Variants in UBE2G2 observed in about 807,000 individuals in gnomAD.
UBE2G2 encodes ubiquitin-conjugating enzyme E2 G2.
A neutral mutation model predicts 23.0 loss-of-function variants in UBE2G2; 10 were observed. The observed-to-expected ratio is 0.43, with a 90% CI of 0.27 to 0.74. The LOEUF (loss-of-function observed/expected upper bound fraction) is 0.74. Among genes scored for constraint, UBE2G2 ranks in the 30% least tolerant of loss-of-function variants. The probability of loss-of-function intolerance (pLI) is 0.19; values close to 1 mark genes in which losing one functional copy is unlikely to be tolerated. For synonymous variants in UBE2G2, 86 were observed against 81.3 expected (o/e 1.06, Z -0.31); for missense variants, 150 against 218.3 (o/e 0.69, Z 1.97).
intron 1 of UBE2G2, among the ~76,000 whole-genome samples, chr21:44,796,267 G>A (rs2083088202): frequency 6.6e-6 from 1 of 152,114 alleles, no homozygotes; most frequent in Non-Finnish European, 1.5e-5. Flanking sequence ...AAATCATCTT[G>A]TCTGTTGCTC....
intron 4 of UBE2G2, chr21:44,775,224 C>T (rs1264657594): frequency 6.5e-6 from 1 of 153,106 alleles, no homozygotes; most frequent in Non-Finnish European, 1.5e-5. Flanking sequence ...AAGGGCCCCT[C>T]CTCCCCGAAT....
At chr21:44,797,714 C>CAAAAAAAA (rs60369865) in intron 1 of UBE2G2, among the ~76,000 whole-genome samples, 3 of 39,322 alleles carry the variant, frequency 7.6e-5, no homozygotes, top group Admixed American at 4.8e-4. Context: ...AACTCCGTCT[C>CAAAAAAAA]AAAAAAAAAA....
intron 1 of UBE2G2, among the ~76,000 whole-genome samples, chr21:44,796,748 T>G (rs1160921105): frequency 6.6e-6 from 1 of 152,032 alleles, no homozygotes. Context: ...CTGCTCAGAG[T>G]CTCACCAGGG....
In UBE2G2 at chr21:44,769,033, C is replaced by CA. The variant is rs1393423349; in HGVS notation, c.*2343dup. 3 of 152,182 alleles carry CA rather than the reference C, an allele frequency of 2.0e-5. No homozygotes were observed. The highest frequency in any genetic ancestry group is 1.3e-4 in the Admixed American group (2 of 15,252). 9.4% of individuals were successfully genotyped at this position (152,182 alleles called of 1,614,324 possible). On this transcript the variant is annotated 3_prime_UTR_variant, in exon 6 of 6. Coordinates refer to ENST00000345496, the MANE Select transcript of UBE2G2 (RefSeq NM_003343.6). ...CTCCTCTGACAATACGACAAAGGGA[C>CA]ACACACTGCAGGGCAGGGAAAACAC... is the stretch of plus-strand genomic sequence containing the variant.
intron 1 of UBE2G2, chr21:44,801,482 G>A: frequency 1.8e-6 from 2 of 1,120,450 alleles, no homozygotes; most frequent in Non-Finnish European, 2.3e-6. Flanking sequence ...CACGGCGCCG[G>A]CGCTGCCTTT....
intron 1 of UBE2G2, among the ~76,000 whole-genome samples, chr21:44,790,542 C>T (rs1312452188): frequency 1.3e-5 from 2 of 152,200 alleles, no homozygotes; most frequent in African/African-American, 4.8e-5. Context: ...GGGCAATTTC[C>T]TCCATGCTGT....
intron 3 of UBE2G2, among the ~76,000 whole-genome samples, chr21:44,782,563 G>A (rs1159809235): frequency 1.3e-5 from 2 of 152,208 alleles, no homozygotes; most frequent in Non-Finnish European, 2.9e-5. Context: ...CAGTAATCAA[G>A]ACAGTGTAGT....
intron 1 of UBE2G2, among the ~76,000 whole-genome samples, chr21:44,791,225 C>G (rs1555962912): frequency 6.6e-6 from 1 of 152,164 alleles, no homozygotes; most frequent in African/African-American, 2.4e-5. Flanking sequence ...AACCCATTTT[C>G]TGGAGAGAAA....
chr21:44,800,255 G>C (rs782168664), intron 1 of UBE2G2: 18 of 152,218 alleles, frequency 1.2e-4, no homozygotes, highest in Non-Finnish European at 2.1e-4. Flanking sequence ...GCGGGAAACT[G>C]AGGTGTGCCT....
chr21:44,777,509 T>C, intron 3 of UBE2G2, 92 bp from the exon 4 acceptor site: 1 of 1,343,816 alleles, frequency 7.4e-7, no homozygotes, highest in Admixed American at 1.7e-5. Context: ...TTTTTACCAC[T>C]TTAAAAATGC....
intron 4 of UBE2G2, among the ~76,000 whole-genome samples, chr21:44,775,864 G>A (rs957801839): frequency 2.0e-5 from 3 of 152,136 alleles, no homozygotes; most frequent in African/African-American, 4.8e-5. Flanking sequence ...AGTAGACAGC[G>A]TGTGATGAAC....
At chr21:44,793,034 T>G (rs1460317650) in intron 1 of UBE2G2, among the ~76,000 whole-genome samples, 1 of 152,272 alleles carries the variant, frequency 6.6e-6, no homozygotes, top group South Asian at 2.1e-4. Context: ...TGTCTCTTCA[T>G]GTGGAGTAGA....
chr21:44,773,514 A>G, intron 5 of UBE2G2, 33 bp downstream of exon 5: 1 of 1,595,466 alleles, frequency 6.3e-7, no homozygotes, highest in Non-Finnish European at 8.5e-7. Context: ...CTGGGTGTCC[A>G]CGGCAGCTCC....
chr21:44,795,318 C>T (rs984146336), intron 1 of UBE2G2, among the ~76,000 whole-genome samples: 2 of 151,940 alleles, frequency 1.3e-5, no homozygotes, highest in Admixed American at 6.6e-5. Flanking sequence ...GACTGCTATA[C>T]ACCCAATAGA....
intron 1 of UBE2G2, among the ~76,000 whole-genome samples, chr21:44,793,335 G>A (rs569764758): frequency 6.6e-6 from 1 of 152,288 alleles, no homozygotes; most frequent in East Asian, 1.9e-4. Flanking sequence ...TTCTTCATCT[G>A]GAGTTCCCCT....
intron 3 of UBE2G2, among the ~76,000 whole-genome samples, chr21:44,781,586 C>T (rs1468015407): frequency 6.6e-6 from 1 of 152,170 alleles, no homozygotes; most frequent in Admixed American, 6.5e-5. Context: ...AGCAAGAGGA[C>T]GAGGCTGTAA....
Position 44,772,155 on chromosome 21 carries a change from G to A in UBE2G2, c.386-666C>T, listed in dbSNP as rs995542647. On this transcript the variant is annotated intron_variant, in intron 5 of 5. Coordinates refer to ENST00000345496, the MANE Select transcript of UBE2G2 (RefSeq NM_003343.6). The surrounding 1 kb of genome is among the most constrained non-coding windows in gnomAD (Gnocchi z 5.4). ...AGCAGCTGTGCAGTGCGGCGGTGGC[G>A]CTGCTCAGAATGCACGTGGGGACCG... Among the ~76,000 whole-genome samples, 3 of 152,108 alleles carry A rather than the reference G, an allele frequency of 2.0e-5. No individual in the cohort carries two copies. The highest frequency in any genetic ancestry group is 2.9e-5 in the Non-Finnish European group (2 of 68,002).
chr21:44,775,629 A>T (rs1204481117), intron 4 of UBE2G2, among the ~76,000 whole-genome samples: 1 of 152,248 alleles, frequency 6.6e-6, no homozygotes, highest in Non-Finnish European at 1.5e-5. Context: ...GTACATAGTC[A>T]CATAAGGTAA....
intron 5 of UBE2G2, 66 bp downstream of exon 5, chr21:44,773,481 C>T (rs1053746437): frequency 6.5e-7 from 1 of 1,538,948 alleles, no homozygotes; most frequent in Non-Finnish European, 8.7e-7. Context: ...CAGGATGACG[C>T]AAGGCTGGAG....
Sources: allele counts gnomAD v4.1 joint callset (sites outside exome capture counted in the v4.1 genomes callset), GRCh38; gene constraint gnomAD v4.1.1; non-coding constraint Gnocchi (gnomAD v3.1); transcripts MANE v1.5; gene names NCBI Gene and HGNC (gene_info 2026-07-23, HGNC 2026-07-21).